CD5: variants seen among roughly 807,000 people sequenced by gnomAD.
CD5 encodes the protein T-cell surface glycoprotein CD5.
In CD5, 36 loss-of-function variants were observed where a neutral mutation model predicts 60.3. The observed-to-expected ratio is 0.60, with a 90% confidence interval of 0.46 to 0.79. The LOEUF (loss-of-function observed/expected upper bound fraction) is 0.79. Ranked by LOEUF, CD5 falls within the 30% of genes least tolerant of loss-of-function variation. CD5 has a pLI of 0.00. For missense variants in CD5, 540 were observed against 630.6 expected (o/e 0.86, Z 1.54); for synonymous variants, 230 against 257.6 (o/e 0.89, Z 1.03).
chr11:61,109,060 A>G (rs537182), intron 1 of CD5, among the ~76,000 whole-genome samples: 107,794 of 152,102 alleles, frequency 0.71, 39,148 homozygotes, highest in East Asian at 0.99. Flanking sequence ...TGCAGGTTAC[A>G]AAGCCAGCCG....
upstream of CD5, among the ~76,000 whole-genome samples, chr11:61,100,134 T>A: frequency 2.0e-5 from 2 of 98,326 alleles, no homozygotes; most frequent in Non-Finnish European, 1.9e-5. Flanking sequence ...TTCACACACA[T>A]CAACATGGAG....
chr11:61,103,872 CTGTG>C (rs1484095754), intron 1 of CD5, among the ~76,000 whole-genome samples: 1 of 76,888 alleles, frequency 1.3e-5, no homozygotes, highest in African/African-American at 6.1e-5. Flanking sequence ...GTGTGTGAGT[CTGTG>C]TGTGAGTCTC....
intron 1 of CD5, among the ~76,000 whole-genome samples, chr11:61,110,987 C>A (rs1860847450): frequency 6.6e-6 from 1 of 152,106 alleles, no homozygotes; most frequent in African/African-American, 2.4e-5. Context: ...GAGGAAGGTT[C>A]CAGGGCGACA....
chr11:61,111,146 G>A (rs1025953902), intron 1 of CD5, among the ~76,000 whole-genome samples: 7 of 152,208 alleles, frequency 4.6e-5, no homozygotes, highest in African/African-American at 1.7e-4. Context: ...TGCCAAGATT[G>A]TCAGGCCCAG....
rs375757718 is a variant in CD5 at position 61,111,499 on chromosome 11, C to T, written c.56-3557C>T. Among the ~76,000 whole-genome samples the T allele has an allele frequency of 2.1e-4, 32 of 152,280 alleles. No individual in the cohort carries two copies. The South Asian group carries it at 4.8e-3, about 23-fold the overall frequency. On this transcript the variant is annotated intron_variant, in intron 1 of 10. Coordinates refer to ENST00000347785, the MANE Select transcript of CD5 (RefSeq NM_014207.4). ...GTTGGCAGCTGCTGTTAATAATGAA[C>T]GTTGAGTATGATGACTCGGGAAATA...
At chr11:61,094,238 C>T in the CD5 span, among the ~76,000 whole-genome samples, 4 of 151,948 alleles carry the variant, frequency 2.6e-5, no homozygotes, top group African/African-American at 2.4e-5. Context: ...CAGTGCATGG[C>T]AGGCCCCTGT....
chr11:61,119,992 G>T (rs1861032673), intron 5 of CD5, among the ~76,000 whole-genome samples: 1 of 152,192 alleles, frequency 6.6e-6, no homozygotes, highest in African/African-American at 2.4e-5. Context: ...CCAAGAGTTG[G>T]CATTGCAGCA....
In CD5 at chr11:61,118,437, C is replaced by G. The variant is rs751901554; in HGVS notation, c.357C>G (p.His119Gln). 1 of 1,614,148 alleles carries G rather than the reference C, an allele frequency of 6.2e-7. No individual in the cohort carries two copies. The highest frequency in any genetic ancestry group is 1.7e-5 in the Admixed American group (1 of 60,014). ...TGGGCTCCTTCTCCAACTGCAGCCA[C>G]AGCAGAAATGACATGTGTCACTCTC... ...GQLGSFSNCS[H>Q]SRNDMCHSLG... Residue 119 changes from histidine (H) to glutamine (Q), a missense_variant, in exon 3 of 11, where the codon CAC becomes CAG. Coordinates refer to ENST00000347785, the MANE Select transcript of CD5 (RefSeq NM_014207.4). This position sits in a 1 kb window ranked among gnomAD's most constrained non-coding sequence, Gnocchi z 4.7.
upstream of CD5, among the ~76,000 whole-genome samples, chr11:61,098,634 C>G (rs1860614358): frequency 6.6e-6 from 1 of 152,174 alleles, no homozygotes; most frequent in Admixed American, 6.5e-5. Flanking sequence ...ATGCAGCCCC[C>G]AGTCATGTAC....
chr11:61,101,966 A>G (rs1316564114), upstream of CD5, among the ~76,000 whole-genome samples: 1 of 151,232 alleles, frequency 6.6e-6, no homozygotes, highest in Non-Finnish European at 1.5e-5. Flanking sequence ...GCACAAGCCC[A>G]GCATTCATGG....
intron 1 of CD5, among the ~76,000 whole-genome samples, chr11:61,104,659 C>T (rs1860752686): frequency 6.6e-6 from 1 of 152,214 alleles, no homozygotes; most frequent in Admixed American, 6.5e-5. Context: ...CTGAGTGAGC[C>T]GGTGGGTACC....
At chr11:61,100,602 T>TTA (rs1555009147), upstream of CD5, among the ~76,000 whole-genome samples, 1 of 24,628 alleles carries the variant, frequency 4.1e-5, no homozygotes, top group African/African-American at 3.4e-4. Flanking sequence ...AACATGGAGA[T>TTA]CACACACACA....
chr11:61,114,951 G>C, intron 1 of CD5, 105 bp from the exon 2 acceptor site: 1 of 1,037,588 alleles, frequency 9.6e-7, no homozygotes, highest in Non-Finnish European at 1.4e-6. Flanking sequence ...ATAGTGGATA[G>C]GGGGAGGCAG....
At chr11:61,112,987 T>C (rs1860880460) in intron 1 of CD5, among the ~76,000 whole-genome samples, 1 of 152,238 alleles carries the variant, frequency 6.6e-6, no homozygotes, top group Non-Finnish European at 1.5e-5. Flanking sequence ...TTGTCCAGGC[T>C]GGACTCGAAC....
intron 1 of CD5, among the ~76,000 whole-genome samples, chr11:61,109,064 C>T (rs1377704789): frequency 6.6e-6 from 1 of 152,192 alleles, no homozygotes; most frequent in Non-Finnish European, 1.5e-5. Flanking sequence ...GGTTACAAAG[C>T]CAGCCGCCCT....
upstream of CD5, among the ~76,000 whole-genome samples, chr11:61,099,406 A>T (rs1860625164): frequency 1.3e-5 from 1 of 77,926 alleles, no homozygotes; most frequent in Admixed American, 1.3e-4. Flanking sequence ...ATCAACATGG[A>T]AATCACACAC....
chr11:61,114,790 A>G (rs1013344179), intron 1 of CD5, among the ~76,000 whole-genome samples: 6 of 152,216 alleles, frequency 3.9e-5, no homozygotes, highest in Non-Finnish European at 7.3e-5. Flanking sequence ...GGAATCATGC[A>G]GTAAAGAAAA....
rs749889042 is a variant in CD5 at position 61,125,167 on chromosome 11, T to G, written c.1399+16T>G. 6.2e-6 allele frequency: 10 copies of G among 1,613,712 alleles called. No homozygotes were observed. The highest frequency in any genetic ancestry group is 8.5e-6 in the Non-Finnish European group (10 of 1,179,794). On this transcript the variant is annotated intron_variant, in intron 9 of 10. Transcript: ENST00000347785. Reference sequence around the variant, plus strand: ...GCTTATCCAGGTAAGCACCAGCGGGTGCTCCCAGGCACGCAGGCAGGGCTG... The same window carrying G: ...GCTTATCCAGGTAAGCACCAGCGGGGGCTCCCAGGCACGCAGGCAGGGCTG...
At chr11:61,101,066 G>A (rs1208023142), upstream of CD5, among the ~76,000 whole-genome samples, 1 of 101,284 alleles carries the variant, frequency 9.9e-6, no homozygotes, top group African/African-American at 3.5e-5. Context: ...TCAACATGGA[G>A]ATCACATTCG....
Sources: allele counts gnomAD v4.1 joint callset (sites outside exome capture counted in the v4.1 genomes callset), GRCh38; gene constraint gnomAD v4.1.1; non-coding constraint Gnocchi (gnomAD v3.1); transcripts MANE v1.5; gene names NCBI Gene and HGNC (gene_info 2026-07-23, HGNC 2026-07-21).